The following MYT1 variants were observed in gnomAD, a reference collection of about 807,000 sequenced individuals.
MYT1 encodes myelin transcription factor 1.
A neutral mutation model predicts 123.0 loss-of-function variants in MYT1; 23 were observed. That is an observed-to-expected ratio of 0.19 (90% CI 0.13 to 0.26). MYT1 has a LOEUF of 0.26. Ranked by LOEUF, MYT1 falls within the 10% of genes least tolerant of loss-of-function variation. MYT1 has a pLI of 1.00. For missense variants in MYT1, 1,125 were observed against 1,472.5 expected (o/e 0.76, Z 3.86); for synonymous variants, 518 against 575.3 (o/e 0.90, Z 1.43).
intron 1 of MYT1, among the ~76,000 whole-genome samples, chr20:64,170,878 TATATATAGAGAGAG>T (rs1241476047): frequency 2.9e-4 from 16 of 55,620 alleles, no homozygotes; most frequent in African/African-American, 1.0e-3. Context: ...TATATATATA[TATATATAGAGAGAG>T]AGAGAGAGAG....
intron 21 of MYT1, among the ~76,000 whole-genome samples, chr20:64,238,455 T>G (rs1984615431): frequency 6.6e-6 from 1 of 152,232 alleles, no homozygotes. Flanking sequence ...GACTCTGCTC[T>G]GGTCTCTACT....
In MYT1 at chr20:64,166,393, A is replaced by C. The variant is rs1982083882; in HGVS notation, c.-99+1654A>C. Among the ~76,000 whole-genome samples the C allele has an allele frequency of 6.6e-6, 1 of 152,148 alleles. No homozygotes were observed. On this transcript the variant is annotated intron_variant, in intron 1 of 22. Coordinates refer to ENST00000328439, the MANE Select transcript of MYT1 (RefSeq NM_004535.3). The surrounding 1 kb of genome is among the most constrained non-coding windows in gnomAD (Gnocchi z 4.9). ...TCCCCCCGACCCCCTGGGCACCTGG[A>C]CGTTTGCCGAACTTCCCAGGGGTAC...
At chr20:64,165,923 G>C (rs906641194) in intron 1 of MYT1, among the ~76,000 whole-genome samples, 1 of 152,038 alleles carries the variant, frequency 6.6e-6, no homozygotes, top group Non-Finnish European at 1.5e-5. Context: ...GGGCAGACCT[G>C]GGGGGGCCCA....
rs1217042351 is a variant in MYT1 at position 64,196,380 on chromosome 20, CAGG to C, written c.1-2476_1-2474del. On this transcript the variant is annotated intron_variant, in intron 2 of 22. Transcript: ENST00000328439. This position sits in a 1 kb window ranked among gnomAD's most constrained non-coding sequence, Gnocchi z 4.3. The stretch of plus-strand genomic sequence containing the variant: ...CCACATCGTGGTGCCGATCTTGCGG[CAGG>C]AGGAGAGCAGAGAACTCACCTCTGA... 3.9e-5 allele frequency among the ~76,000 whole-genome samples: 6 copies of C among 152,216 alleles called. No homozygotes were observed. Among genetic ancestry groups the C allele is most frequent in the African/African-American group, 1.4e-4 (6 of 41,456 alleles).
rs763982149 is a variant in MYT1, at chr20:64,232,390, CTG to C, written c.2897+8_2897+9del. ...GAGTTTCCTCACCCACCGGAGGTAA[CTG>C]TGCCTGCAGGTCCTGCCCCTCTGTG... On this transcript the variant is annotated splice_donor_region_variant and intron_variant, in intron 19 of 22. Coordinates refer to ENST00000328439, the MANE Select transcript of MYT1 (RefSeq NM_004535.3). This position sits in a 1 kb window ranked among gnomAD's most constrained non-coding sequence, Gnocchi z 6.9. 3.1e-6 allele frequency: 5 copies of C among 1,612,728 alleles called. No homozygotes were observed. In the African/African-American group the frequency reaches 5.3e-5, roughly 17 times the overall value.
At chr20:64,171,118 C>T (rs1404709321) in intron 1 of MYT1, among the ~76,000 whole-genome samples, 1 of 150,774 alleles carries the variant, frequency 6.6e-6, no homozygotes, top group Non-Finnish European at 1.5e-5. Context: ...GGGGTTTTGC[C>T]ATGTTGGCGA....
intron 1 of MYT1, among the ~76,000 whole-genome samples, chr20:64,184,039 C>T (rs778777871): frequency 2.6e-5 from 4 of 152,106 alleles, no homozygotes; most frequent in South Asian, 2.1e-4. Context: ...AGGCTGGTCT[C>T]GAACCCCTGA....
At position 64,232,020 on chromosome 20, in the gene MYT1, G is replaced by T; in HGVS notation, c.2676-144G>T. The T allele has an allele frequency of 1.3e-6, 1 of 753,332 alleles. No homozygotes were observed. The highest frequency in any genetic ancestry group is 2.1e-6 in the Non-Finnish European group (1 of 465,938). 46.7% of individuals were successfully genotyped at this position (753,332 alleles called of 1,614,324 possible). ...GGGCCAGTTCTTCCCTGAGGCTCCA[G>T]GACCTCAGCGGCCCTCCCTGCCTCA... On this transcript the variant is annotated intron_variant, in intron 18 of 22. Transcript: ENST00000328439. This position sits in a 1 kb window ranked among gnomAD's most constrained non-coding sequence, Gnocchi z 6.9.
At chr20:64,179,859 C>G (rs1376719729) in intron 1 of MYT1, among the ~76,000 whole-genome samples, 1 of 151,800 alleles carries the variant, frequency 6.6e-6, no homozygotes, top group Non-Finnish European at 1.5e-5. Context: ...CACACACATA[C>G]TACACACAGG....
At chr20:64,205,882 T>C in intron 6 of MYT1, 82 bp downstream of exon 6, 2 of 1,560,328 alleles carry the variant, frequency 1.3e-6, no homozygotes, top group Non-Finnish European at 1.7e-6. Context: ...GGGGAGGGGC[T>C]CACTCCGGGC....
Position 64,186,143 on chromosome 20 carries a change from G to GT in MYT1, c.-98-3915dup, listed in dbSNP as rs1982793276. The stretch of plus-strand genomic sequence containing the variant: ...TGAGGAGGCCCTGTTTGTTTCCTGA[G>GT]TTTTTCTGCCCACAAGAGCCCCATA... On this transcript the variant is annotated intron_variant, in intron 1 of 22. Coordinates refer to ENST00000328439, the MANE Select transcript of MYT1 (RefSeq NM_004535.3). This position sits in a 1 kb window ranked among gnomAD's most constrained non-coding sequence, Gnocchi z 4.3. 6.6e-6 allele frequency among the ~76,000 whole-genome samples: 1 copy of GT among 152,204 alleles called. No homozygotes were observed. Among genetic ancestry groups the GT allele is most frequent in the Non-Finnish European group, 1.5e-5 (1 of 68,002 alleles).
intron 6 of MYT1, among the ~76,000 whole-genome samples, chr20:64,206,872 G>A (rs1261523856): frequency 6.6e-6 from 1 of 152,126 alleles, no homozygotes; most frequent in African/African-American, 2.4e-5. Context: ...CAACCCTACG[G>A]GGCCTGCATG....
At chr20:64,177,629 G>T (rs527376037) in intron 1 of MYT1, among the ~76,000 whole-genome samples, 109 of 151,814 alleles carry the variant, frequency 7.2e-4, no homozygotes, top group African/African-American at 2.5e-3. Flanking sequence ...CTCTCCGGGG[G>T]CGGGGACAAG....
chr20:64,222,007 C>A lies in MYT1; in HGVS notation c.2356C>A (p.Leu786Met), dbSNP rs952448004. 1.2e-6 allele frequency: 2 copies of A among 1,613,338 alleles called. No homozygotes were observed. The highest frequency in any genetic ancestry group is 2.7e-5 in the African/African-American group (2 of 75,030). The change falls in exon 14 of 23, where the codon CTG (leucine) becomes ATG (methionine). Residue 786 changes from leucine to methionine, a missense_variant. Around this residue, in one of 4 missense-constraint regions of MYT1, gnomAD observed 429 missense variants for 604.1 expected, o/e 0.71. Transcript: ENST00000328439. ...PGEVTLTNFK[L>M]KFLSKDIKKE... ...GGAAGTCACCCTGACCAACTTTAAG[C>A]TGAAGTTTCTCTCCAAGGACATAAA... is the stretch of plus-strand genomic sequence containing the variant.
At chr20:64,217,855 C>T (rs1983885969) in intron 11 of MYT1, among the ~76,000 whole-genome samples, 2 of 152,246 alleles carry the variant, frequency 1.3e-5, no homozygotes, top group African/African-American at 4.8e-5. Flanking sequence ...ATTGTACTGA[C>T]AAAAATCATT....
At chr20:64,236,500 A>C (rs1038009067) in intron 19 of MYT1, 55 bp from the exon 20 acceptor site, 1 of 1,423,854 alleles carries the variant, frequency 7.0e-7, no homozygotes, top group Non-Finnish European at 9.9e-7. Flanking sequence ...TGACCCTGGG[A>C]TGGTCGTGGT....
Position 64,232,416 on chromosome 20 carries a change from T to G in MYT1, c.2897+31T>G, listed in dbSNP as rs1355686526. The G allele has an allele frequency of 1.9e-6, 3 of 1,605,204 alleles. No homozygotes were observed. The highest frequency in any genetic ancestry group is 2.6e-6 in the Non-Finnish European group (3 of 1,173,160). ...TGTGCCTGCAGGTCCTGCCCCTCTG[T>G]GCAGTCAGTAGGGACCCTCGCCTGG... On this transcript the variant is annotated intron_variant, in intron 19 of 22. Coordinates refer to ENST00000328439, the MANE Select transcript of MYT1 (RefSeq NM_004535.3). The surrounding 1 kb of genome is among the most constrained non-coding windows in gnomAD (Gnocchi z 6.9).
rs112462227 is a variant in MYT1, at chr20:64,202,069, T to C, written c.86+2147T>C. Among the ~76,000 whole-genome samples, 14,106 of 113,560 alleles carry C rather than the reference T, an allele frequency of 0.12. 854 individuals are homozygous for C. The highest frequency in any genetic ancestry group is 0.17 in the South Asian group (572 of 3,364). 74.5% of individuals were successfully genotyped at this position (113,560 alleles called of 152,430 possible). On this transcript the variant is annotated intron_variant, in intron 4 of 22. Coordinates refer to ENST00000328439, the MANE Select transcript of MYT1 (RefSeq NM_004535.3). The surrounding 1 kb of genome is among the most constrained non-coding windows in gnomAD (Gnocchi z 5.0). ...GGAACCTCTGCGTGTCGGGAACCCC[T>C]GTGTGCAGGACTTTCTCTGTGGATG...
chr20:64,227,521 A>G (rs766437445), intron 17 of MYT1, 44 bp downstream of exon 17: 3 of 1,565,880 alleles, frequency 1.9e-6, no homozygotes, highest in Admixed American at 1.7e-5. Flanking sequence ...AGGGGTGGGC[A>G]GGGAGTCTCT....
Sources: gnomAD v4.1 joint callset for allele counts (sites outside exome capture counted in the v4.1 genomes callset) on GRCh38, gnomAD v4.1.1 for gene constraint, gnomAD v4.1.1 regional missense constraint, Gnocchi (gnomAD v3.1) non-coding constraint, MANE v1.5 for transcripts, NCBI Gene and HGNC (gene_info 2026-07-23, HGNC 2026-07-21) for gene names.